Variants in DOCK9 observed in about 807,000 individuals in gnomAD.
DOCK9 encodes dedicator of cytokinesis 9, also known as dedicator of cytokinesis protein 9.
In DOCK9, 89 loss-of-function variants were observed where a neutral mutation model predicts 263.3. That is an observed-to-expected ratio of 0.34 (90% CI 0.28 to 0.40). DOCK9 has a LOEUF of 0.40. DOCK9 is among the 10% of genes least tolerant of loss of function. DOCK9 has a pLI of 1.00. For missense variants in DOCK9, 2,140 were observed against 2,603.4 expected, an observed-to-expected ratio of 0.82 and a Z score of 3.87; for synonymous variants, 976 against 973.1, an observed-to-expected ratio of 1.00 and a Z score of -0.06.
chr13:98,909,832 G>A (rs2049724843), intron 9 of DOCK9, among the ~76,000 whole-genome samples: 1 of 152,190 alleles, frequency 6.6e-6, no homozygotes, highest in Non-Finnish European at 1.5e-5. Context: ...TGCTGAGCAT[G>A]GCCCTTGATC....
At chr13:98,849,027 C>A (rs1305527359) in intron 36 of DOCK9, among the ~76,000 whole-genome samples, 2 of 152,174 alleles carry the variant, frequency 1.3e-5, no homozygotes, top group African/African-American at 4.8e-5. Flanking sequence ...TCATTTACAT[C>A]TATATAAGGA....
rs571291393 is a variant in DOCK9, at chr13:98,917,679, C to T, written c.718-2176G>A. Among the ~76,000 whole-genome samples the T allele has an allele frequency of 9.7e-4, 144 of 148,120 alleles. 2 individuals are homozygous for T. The highest frequency in any genetic ancestry group is 1.6e-3 in the Non-Finnish European group (110 of 67,234). ...TTTTCGGCAGGGCGGGGGTACTGCA[C>T]AGTGGTATTTTGTTTGTTTGCTTTT... On this transcript the variant is annotated intron_variant, in intron 7 of 52. Transcript: ENST00000682017.
chr13:98,885,303 AT>A (rs1259651962), intron 20 of DOCK9: 2 of 682,512 alleles, frequency 2.9e-6, no homozygotes, highest in Non-Finnish European at 4.6e-6. Flanking sequence ...ATCTTCTTTT[AT>A]AAAAATGTAC....
At chr13:99,032,814 C>T (rs1410451243) in intron 1 of DOCK9, among the ~76,000 whole-genome samples, 1 of 152,110 alleles carries the variant, frequency 6.6e-6, no homozygotes, top group Non-Finnish European at 1.5e-5. Context: ...TGGCAAACAA[C>T]AAGAATGTCA....
chr13:99,016,729 A>G (rs752165501), intron 1 of DOCK9, among the ~76,000 whole-genome samples: 4 of 152,220 alleles, frequency 2.6e-5, no homozygotes, highest in Non-Finnish European at 5.9e-5. Flanking sequence ...ATATAAAAAG[A>G]CCATGCTGCA....
At chr13:98,843,092 CTGA>C (rs2093278327) in intron 38 of DOCK9, among the ~76,000 whole-genome samples, 1 of 152,190 alleles carries the variant, frequency 6.6e-6, no homozygotes, top group Admixed American at 6.5e-5. Context: ...AAGCTGAGTT[CTGA>C]CAAAGCCTTT....
chr13:98,826,553 T>G (rs1477151845), intron 44 of DOCK9, among the ~76,000 whole-genome samples: 1 of 152,194 alleles, frequency 6.6e-6, no homozygotes, highest in East Asian at 1.9e-4. Context: ...TAGCTCTAGA[T>G]TTGGCCAGAT....
chr13:98,951,809 A>G (rs2057443753), intron 2 of DOCK9, among the ~76,000 whole-genome samples: 1 of 152,230 alleles, frequency 6.6e-6, no homozygotes, highest in Non-Finnish European at 1.5e-5. Flanking sequence ...ATTCTGCAAA[A>G]AGAAGGGCCA....
Position 98,829,340 on chromosome 13 carries a change from G to A in DOCK9, c.4932C>T (p.Ala1644=), listed in dbSNP as rs897479882. 1 of 1,613,164 alleles carries A rather than the reference G, an allele frequency of 6.2e-7. No individual in the cohort carries two copies. Among genetic ancestry groups the A allele is most frequent in the Non-Finnish European group, 8.5e-7 (1 of 1,179,660 alleles). ...GATCGCCATTTTTGACATGGATCCT[G>A]GCCATGCTGTCGAGCCACGTCTTCC... is the stretch of plus-strand genomic sequence containing the variant. ...ELRKTWLDSM[A]RIHVKNGDLS... is the part of the protein sequence containing the mutation. The change falls in exon 43 of 53, where the codon GCC becomes GCT. Residue 1644 remains alanine, a synonymous_variant. Transcript: ENST00000682017. This position sits in a 1 kb window ranked among gnomAD's most constrained non-coding sequence, Gnocchi z 4.1.
chr13:98,912,993 G>A (rs1168467756), intron 9 of DOCK9, among the ~76,000 whole-genome samples: 2 of 152,060 alleles, frequency 1.3e-5, no homozygotes, highest in African/African-American at 4.8e-5. Context: ...AAACACACAA[G>A]CCAAAACTCT....
At chr13:99,015,729 G>A (rs1261786229) in intron 1 of DOCK9, 5 of 1,375,094 alleles carry the variant, frequency 3.6e-6, no homozygotes, top group Admixed American at 6.2e-5. Flanking sequence ...CACCGGTACT[G>A]GAACAGAAGG....
rs375108879 is a variant in DOCK9 at position 98,800,342 on chromosome 13, G to C, written c.5862C>G (p.Ala1954=). 4.3e-6 allele frequency: 7 copies of C among 1,612,544 alleles called. No homozygotes were observed. The highest frequency in any genetic ancestry group is 4.5e-5 in the East Asian group (2 of 44,846). Residue 1954 remains alanine, a synonymous_variant, in exon 50 of 53, where the codon GCC becomes GCG. Transcript: ENST00000682017. ...VAELRQLCSS[A]EVDMIKLQLK... is the part of the protein sequence containing the mutation. ...GCTGCAGTTTGATCATGTCCACCTC[G>C]GCCGAGGAGCACAGCTGCCGGAGCT... is the stretch of plus-strand genomic sequence containing the variant.
chr13:98,877,564 TG>T (rs1463889338), intron 27 of DOCK9, among the ~76,000 whole-genome samples: 1 of 152,166 alleles, frequency 6.6e-6, no homozygotes, highest in East Asian at 1.9e-4. Context: ...TCTCTCCACC[TG>T]GTCCTCATTC....
chr13:98,965,119 G>C (rs186944282), intron 1 of DOCK9, among the ~76,000 whole-genome samples: 1 of 152,114 alleles, frequency 6.6e-6, no homozygotes, highest in African/African-American at 2.4e-5. Context: ...AGATGAGGCC[G>C]GAGTGGCAGG....
intron 1 of DOCK9, among the ~76,000 whole-genome samples, chr13:99,028,281 GA>G (rs980850298): frequency 2.0e-5 from 3 of 152,150 alleles, no homozygotes; most frequent in Admixed American, 2.0e-4. Flanking sequence ...AGGACCCTGG[GA>G]TGCTGCCTCC....
chr13:98,918,979 G>A (rs1247914053), intron 7 of DOCK9, among the ~76,000 whole-genome samples: 4 of 152,160 alleles, frequency 2.6e-5, no homozygotes, highest in South Asian at 4.1e-4. Context: ...ATGCAATGAC[G>A]TCCAAAACTG....
chr13:98,825,966 G>C lies in DOCK9; in HGVS notation c.5023+864C>G, dbSNP rs780988791. On this transcript the variant is annotated intron_variant, in intron 44 of 52. Transcript: ENST00000682017. This position sits in a 1 kb window ranked among gnomAD's most constrained non-coding sequence, Gnocchi z 4.1. Reference sequence around the variant, plus strand: ...CTAAACATGAGGAAATGCATCACCTGATAAAAGGTCTCAACAGGAAATAGT... The same window carrying C: ...CTAAACATGAGGAAATGCATCACCTCATAAAAGGTCTCAACAGGAAATAGT... 1 of 1,494,430 alleles carries C rather than the reference G, an allele frequency of 6.7e-7. No individual in the cohort carries two copies. The highest frequency in any genetic ancestry group is 1.4e-5 in the African/African-American group (1 of 70,796). 92.6% of individuals were successfully genotyped at this position (1,494,430 alleles called of 1,614,324 possible).
chr13:98,918,439 T>C (rs16951628), intron 7 of DOCK9, among the ~76,000 whole-genome samples: 78,224 of 151,986 alleles, frequency 0.51, 20,702 homozygotes, highest in Non-Finnish European at 0.57. Context: ...TTATATGTTA[T>C]ACCTTATTTT....
intron 1 of DOCK9, among the ~76,000 whole-genome samples, chr13:99,085,847 G>T (rs1235818393): frequency 6.8e-6 from 1 of 146,518 alleles, no homozygotes; most frequent in Non-Finnish European, 1.5e-5. Context: ...GGCCGGGGGA[G>T]GGATACGGGG....
Sources: gnomAD v4.1 joint callset for allele counts (sites outside exome capture counted in the v4.1 genomes callset) on GRCh38, gnomAD v4.1.1 for gene constraint, Gnocchi (gnomAD v3.1) non-coding constraint, MANE v1.5 for transcripts, NCBI Gene and HGNC (gene_info 2026-07-23, HGNC 2026-07-21) for gene names.